CDX2: variants seen among roughly 807,000 people sequenced by gnomAD.
CDX2 encodes homeobox protein CDX-2.
A neutral mutation model predicts 25.5 loss-of-function variants in CDX2; 7 were observed. The ratio of observed to expected loss-of-function variants is 0.27; its 90% CI spans 0.16 to 0.52. The LOEUF (loss-of-function observed/expected upper bound fraction) is 0.52, where lower values mean the gene tolerates loss of function less well. Among genes scored for constraint, CDX2 ranks in the 20% least tolerant of loss-of-function variants. CDX2 has a pLI of 0.97. For synonymous variants in CDX2, 222 were observed against 198.6 expected, an observed-to-expected ratio of 1.12 and a Z score of -0.99; for missense variants, 375 against 431.4, an observed-to-expected ratio of 0.87 and a Z score of 1.16.
chr13:27,967,414 C>A, intron 1 of CDX2: 1 of 501,906 alleles, frequency 2.0e-6, no homozygotes, highest in Non-Finnish European at 3.9e-6. Context: ...CTGCAAAGTG[C>A]CCATAACCAG....
In CDX2 at chr13:27,961,697, TA is replaced by T. The variant is rs11291875; in HGVS notation, c.*1417del. ...CTTGGGAAACTAGGGGGATTTTTTT[TA>T]AAAAAAATTTAATGCTCACGTTTAA... is the stretch of plus-strand genomic sequence containing the variant. On this transcript the variant is annotated 3_prime_UTR_variant, in exon 3 of 3. Coordinates refer to ENST00000381020, the MANE Select transcript of CDX2 (RefSeq NM_001265.6). 0.78 allele frequency among the ~76,000 whole-genome samples: 118,527 copies of T among 151,778 alleles called. 46,416 individuals carry two copies. Among genetic ancestry groups the T allele is most frequent in the South Asian group, 0.88 (4,202 of 4,798 alleles).
Position 27,962,995 on chromosome 13 carries a change from C to T in CDX2, c.*120G>A. On this transcript the variant is annotated 3_prime_UTR_variant, in exon 3 of 3. Coordinates refer to ENST00000381020, the MANE Select transcript of CDX2 (RefSeq NM_001265.6). Reference sequence around the variant, plus strand: ...TGGCTCCCATTTTTCCTCTGAGAGCCAGGTCTGTAGGTCTATGGCTGTGGG... The same window carrying T: ...TGGCTCCCATTTTTCCTCTGAGAGCTAGGTCTGTAGGTCTATGGCTGTGGG... The T allele has an allele frequency of 1.6e-6, 2 of 1,253,680 alleles. No homozygotes were observed. Among genetic ancestry groups the T allele is most frequent in the South Asian group, 5.8e-5 (2 of 34,662 alleles). 77.7% of individuals were successfully genotyped at this position (1,253,680 alleles called of 1,614,324 possible).
rs1869107627 is a variant in CDX2 at position 27,962,621 on chromosome 13, G to A, written c.*494C>T. 8.5e-6 allele frequency: 2 copies of A among 233,970 alleles called. No homozygotes were observed. Among genetic ancestry groups the A allele is most frequent in the African/African-American group, 2.2e-5 (1 of 45,330 alleles). The allele number at this position is 233,970 out of a possible 1,614,324, so 14.5% of individuals were successfully genotyped here. The stretch of plus-strand genomic sequence containing the variant: ...CCAGCTTTCTATCTTAGCTGCCTTT[G>A]GCTTCCGCAGTGTAAACCTTGCCTG... On this transcript the variant is annotated 3_prime_UTR_variant, in exon 3 of 3. Transcript: ENST00000381020.
chr13:27,966,269 G>A (rs1004705115), intron 1 of CDX2, among the ~76,000 whole-genome samples: 2 of 152,182 alleles, frequency 1.3e-5, no homozygotes, highest in African/African-American at 2.4e-5. Flanking sequence ...ACATAAACAC[G>A]ACCCTGCAGG....
In CDX2 at chr13:27,969,083, G is replaced by T; in HGVS notation, c.-77C>A. 8.4e-7 allele frequency: 1 copy of T among 1,190,528 alleles called. No individual in the cohort carries two copies. The highest frequency in any genetic ancestry group is 1.2e-6 in the Non-Finnish European group (1 of 843,518). 73.7% of individuals were successfully genotyped at this position (1,190,528 alleles called of 1,614,324 possible). A position where few individuals can be genotyped will look rare whatever the true frequency, so the allele number is the denominator to read the frequency against. ...TGGAGGCTGCCGGGGGGCACGAAGG[G>T]AAAGGGGCGAGGGGACTCGAGGAGC... On this transcript the variant is annotated 5_prime_UTR_variant, in exon 1 of 3. Coordinates refer to ENST00000381020, the MANE Select transcript of CDX2 (RefSeq NM_001265.6).
At chr13:27,965,820 C>G (rs770633732) in intron 1 of CDX2, among the ~76,000 whole-genome samples, 1 of 152,220 alleles carries the variant, frequency 6.6e-6, no homozygotes, top group Admixed American at 6.5e-5. Flanking sequence ...GGAGCAGGCC[C>G]GAGCCTGGCG....
At position 27,969,186 on chromosome 13, in the gene CDX2, C is replaced by T; in HGVS notation, c.-180G>A. The stretch of plus-strand genomic sequence containing the variant: ...TCTGCCTCCGAGGCGGTCCCTCCCT[C>T]TGGCCTGCCTCCTCCCTCCCTCCCT... On this transcript the variant is annotated 5_prime_UTR_variant, in exon 1 of 3. Coordinates refer to ENST00000381020, the MANE Select transcript of CDX2 (RefSeq NM_001265.6). 1.8e-6 allele frequency: 1 copy of T among 558,180 alleles called. No individual in the cohort carries two copies. The highest frequency in any genetic ancestry group is 3.1e-6 in the Non-Finnish European group (1 of 319,102). The allele number at this position is 558,180 out of a possible 1,614,324, so 34.6% of individuals were successfully genotyped here.
In CDX2 at chr13:27,965,003, G is replaced by A. The variant is rs1326821235; in HGVS notation, c.554C>T (p.Thr185Met). ...GTACACCACTCGATATTTGTCTTTC[G>A]TCCTGGTTTTCACTGTGGAGGAAGG... Reference protein sequence around the residue: ...QSLGSQVKTRTKDKYRVVYTD... With the variant: ...QSLGSQVKTRMKDKYRVVYTD... Residue 185 changes from threonine to methionine, a missense_variant, in exon 2 of 3, where the codon ACG becomes ATG. This residue lies in a region of CDX2 where 64 missense variants were observed against 124.6 expected (regional missense o/e 0.51). Transcript: ENST00000381020. 1.9e-6 allele frequency: 3 copies of A among 1,613,966 alleles called. No homozygotes were observed. The highest frequency in any genetic ancestry group is 2.5e-6 in the Non-Finnish European group (3 of 1,179,970).
At chr13:27,967,464 A>G in intron 1 of CDX2, 1 of 459,208 alleles carries the variant, frequency 2.2e-6, no homozygotes, top group African/African-American at 2.0e-5. Context: ...CGAAGCAAGA[A>G]AAGCGGAAGC....
Position 27,961,604 on chromosome 13 carries a change from G to A in CDX2, c.*1511C>T, listed in dbSNP as rs1268116443. 6.6e-6 allele frequency among the ~76,000 whole-genome samples: 1 copy of A among 152,182 alleles called. No homozygotes were observed. Among genetic ancestry groups the A allele is most frequent in the Non-Finnish European group, 1.5e-5 (1 of 68,028 alleles). On this transcript the variant is annotated 3_prime_UTR_variant, in exon 3 of 3. Coordinates refer to ENST00000381020, the MANE Select transcript of CDX2 (RefSeq NM_001265.6). ...GGAAACTGCAAAGACAGAGAAGAGA[G>A]TGGAGGCAGAAAGGGCTCACGGAAA...
chr13:27,966,076 T>C (rs1869305986), intron 1 of CDX2, among the ~76,000 whole-genome samples: 1 of 152,216 alleles, frequency 6.6e-6, no homozygotes, highest in Non-Finnish European at 1.5e-5. Context: ...GATACAGGCC[T>C]GATCAGAGGG....
Position 27,968,715 on chromosome 13 carries a change from C to A in CDX2, c.292G>T (p.Gly98Cys), listed in dbSNP as rs367878628. ...CCCATGGCTGCGGCCGGGGAGCCAC[C>A]GTTGAGGCCGTGAGCCACGGCGTTG... is the stretch of plus-strand genomic sequence containing the variant. ...AANAVAHGLN[G>C]GSPAAAMGYS... The change falls in exon 1 of 3, where the codon GGT (glycine) becomes TGT (cysteine). Residue 98 changes from glycine (G) to cysteine (C), a missense_variant. Gly to Cys is a radical substitution (Grantham distance 159). Transcript: ENST00000381020. The A allele has an allele frequency of 8.5e-6, 13 of 1,527,918 alleles. No homozygotes were observed. In the Middle Eastern group the frequency reaches 7.0e-4, roughly 83 times the overall value. 94.6% of individuals were successfully genotyped at this position (1,527,918 alleles called of 1,614,324 possible). A position where few individuals can be genotyped will look rare whatever the true frequency, so the allele number is the denominator to read the frequency against.
At chr13:27,965,894 G>T (rs1015863778) in intron 1 of CDX2, among the ~76,000 whole-genome samples, 9 of 152,192 alleles carry the variant, frequency 5.9e-5, no homozygotes, top group Non-Finnish European at 1.0e-4. Flanking sequence ...GTTCTCTCTG[G>T]CTCCGTCCCA....
rs1566038770 is a variant in CDX2, at chr13:27,969,130, C to T, written c.-124G>A. 2.0e-5 allele frequency: 13 copies of T among 654,476 alleles called. No homozygotes were observed. Among genetic ancestry groups the T allele is most frequent in the South Asian group, 1.8e-4 (9 of 50,324 alleles). The allele number at this position is 654,476 out of a possible 1,614,324, so 40.5% of individuals were successfully genotyped here. On this transcript the variant is annotated 5_prime_UTR_variant, in exon 1 of 3. Coordinates refer to ENST00000381020, the MANE Select transcript of CDX2 (RefSeq NM_001265.6). ...GAGCGGCGGGTGGCTGCGCCCCAGC[C>T]CGCGGTGCTCCGCTGGCTCCTCGCG...
At chr13:27,963,509 C>T in intron 2 of CDX2, 140 bp from the exon 3 acceptor site, 1 of 679,638 alleles carries the variant, frequency 1.5e-6, no homozygotes, top group Non-Finnish European at 2.4e-6. Flanking sequence ...TCGGGCATCC[C>T]CATAACAGCC....
rs370757560 is a variant in CDX2, at chr13:27,964,846, C to T, written c.687+24G>A. On this transcript the variant is annotated intron_variant, in intron 2 of 2. Transcript: ENST00000381020. This position sits in a 1 kb window ranked among gnomAD's most constrained non-coding sequence, Gnocchi z 4.7. The stretch of plus-strand genomic sequence containing the variant: ...GTCCTCTGCCAGGCAGTGGCCCGCC[C>T]GGAGGGAGCTAGGCGGTCCCCACCT... 9.0e-5 allele frequency: 145 copies of T among 1,612,190 alleles called. No homozygotes were observed. Among genetic ancestry groups the T allele is most frequent in the Non-Finnish European group, 1.0e-4 (123 of 1,179,490 alleles).
Position 27,968,578 on chromosome 13 carries a change from G to C in CDX2, c.429C>G (p.Gly143=), listed in dbSNP as rs951166838. 6.4e-6 allele frequency: 10 copies of C among 1,572,542 alleles called. No homozygotes were observed. The highest frequency in any genetic ancestry group is 8.6e-6 in the Non-Finnish European group (10 of 1,168,490). Reference sequence around the variant, plus strand: ...CAGCGGTGGCGGCGGGCCCAGGAGGGCCGGGGTTGAGCGTTTGCAGCAGCC... The same window carrying C: ...CAGCGGTGGCGGCGGGCCCAGGAGGCCCGGGGTTGAGCGTTTGCAGCAGCC... ...ASGLLQTLNP[G]PPGPAATAAA... is the part of the protein sequence containing the mutation. Residue 143 remains glycine (G), a synonymous_variant, in exon 1 of 3, where the codon GGC becomes GGG. Coordinates refer to ENST00000381020, the MANE Select transcript of CDX2 (RefSeq NM_001265.6).
At position 27,964,831 on chromosome 13, in the gene CDX2, A is replaced by G. The variant is rs773916303; in HGVS notation, c.687+39T>C. ...TTTCTAACTCTCATGGTCCTCTGCC[A>G]GGCAGTGGCCCGCCCGGAGGGAGCT... On this transcript the variant is annotated intron_variant, in intron 2 of 2. Transcript: ENST00000381020. This position sits in a 1 kb window ranked among gnomAD's most constrained non-coding sequence, Gnocchi z 4.7. 2 of 1,607,072 alleles carry G rather than the reference A, an allele frequency of 1.2e-6. No individual in the cohort carries two copies. The highest frequency in any genetic ancestry group is 2.2e-5 in the South Asian group (2 of 90,912).
intron 1 of CDX2, 51 bp downstream of exon 1, chr13:27,968,415 T>C: frequency 7.0e-7 from 1 of 1,429,870 alleles, no homozygotes; most frequent in Non-Finnish European, 9.1e-7. Flanking sequence ...AGCCACTGGC[T>C]CGACCCGCGC....
Sources: gnomAD v4.1 joint callset for allele counts (sites outside exome capture counted in the v4.1 genomes callset) on GRCh38, gnomAD v4.1.1 for gene constraint, gnomAD v4.1.1 regional missense constraint, Gnocchi (gnomAD v3.1) non-coding constraint, MANE v1.5 for transcripts, NCBI Gene and HGNC (gene_info 2026-07-23, HGNC 2026-07-21) for gene names.